Variants in ADCY7 observed in about 807,000 individuals in gnomAD.
The protein encoded by ADCY7 is adenylate cyclase type 7.
In ADCY7, 72 loss-of-function variants were observed where a neutral mutation model predicts 120.6. The observed-to-expected ratio is 0.60, with a 90% CI of 0.49 to 0.73. ADCY7 has a LOEUF of 0.73. ADCY7 is among the 30% of genes least tolerant of loss of function. The pLI is 0.00. For synonymous variants in ADCY7, 661 were observed against 628.0 expected (o/e 1.05, Z -0.78); for missense variants, 1,227 against 1,486.0 (o/e 0.83, Z 2.87).
At chr16:50,293,283 G>T in intron 5 of ADCY7, 71 bp from the exon 6 acceptor site, 1 of 1,555,082 alleles carries the variant, frequency 6.4e-7, no homozygotes, top group Admixed American at 1.7e-5. Context: ...ATGCTACCCT[G>T]CCTGTCCCCC....
intron 1 of ADCY7, among the ~76,000 whole-genome samples, chr16:50,286,812 T>G (rs559924668): frequency 2.5e-4 from 38 of 152,284 alleles, no homozygotes; most frequent in African/African-American, 9.1e-4. Context: ...GATAATTCAA[T>G]ATCCATATGG....
At position 50,316,298 on chromosome 16, in the gene ADCY7, C is replaced by CA. The variant is rs2036796988; in HGVS notation, c.*793_*794insA. 6.6e-6 allele frequency: 1 copy of CA among 152,352 alleles called. No homozygotes were observed. The highest frequency in any genetic ancestry group is 6.5e-5 in the Admixed American group (1 of 15,268). 9.4% of individuals were successfully genotyped at this position (152,352 alleles called of 1,614,324 possible). On this transcript the variant is annotated 3_prime_UTR_variant, in exon 26 of 26. Coordinates refer to ENST00000673801, the MANE Select transcript of ADCY7 (RefSeq NM_001114.5). ...GAGGAATGTGGTCACAGCAAGAAGG[C>CA]GGGGAGCAGCAGAGCCTTGCCTTTG...
chr16:50,283,016 C>G (rs1466246200), intron 1 of ADCY7, among the ~76,000 whole-genome samples: 2 of 152,190 alleles, frequency 1.3e-5, no homozygotes, highest in African/African-American at 4.8e-5. Flanking sequence ...GGGGCTGTCC[C>G]CTCCAAGACC....
In ADCY7 at chr16:50,312,135, G is replaced by C; in HGVS notation, c.2548G>C (p.Glu850Gln). ...GGAGAACGTGAACCGCCTTCTTCTG[G>C]AGAACGTCCTGCCAGCCCACGTGGC... ...TMENVNRLLLENVLPAHVAAH... is the reference protein window; with the variant it reads ...TMENVNRLLLQNVLPAHVAAH... Residue 850 changes from glutamate (E) to glutamine (Q), a missense_variant, in exon 21 of 26, where the codon GAG becomes CAG. This residue lies in a region of ADCY7 where 244 missense variants were observed against 332.8 expected (regional missense o/e 0.73). Coordinates refer to ENST00000673801, the MANE Select transcript of ADCY7 (RefSeq NM_001114.5). 6.2e-7 allele frequency: 1 copy of C among 1,614,210 alleles called. No homozygotes were observed. Among genetic ancestry groups the C allele is most frequent in the Non-Finnish European group, 8.5e-7 (1 of 1,180,038 alleles).
At chr16:50,280,936 T>G (rs910483035) in intron 1 of ADCY7, among the ~76,000 whole-genome samples, 4 of 151,634 alleles carry the variant, frequency 2.6e-5, no homozygotes, top group Non-Finnish European at 5.9e-5. Flanking sequence ...GCCTGTGCCC[T>G]GGGAGTGGGA....
At chr16:50,247,068 AATGAATGAATGC>A (rs2032612480) in intron 1 of ADCY7, among the ~76,000 whole-genome samples, 1 of 152,238 alleles carries the variant, frequency 6.6e-6, no homozygotes, top group African/African-American at 2.4e-5. Context: ...TGAATGAATG[AATGAATGAATGC>A]ATGACCAACA....
Position 50,301,125 on chromosome 16 carries a change from G to A in ADCY7, c.1279G>A (p.Ala427Thr), listed in dbSNP as rs751786060. The change falls in exon 10 of 26, where the codon GCG becomes ACG. Residue 427 changes from alanine (A) to threonine (T), a missense_variant. Transcript: ENST00000673801. ...TEATLKHLDKAYEVEDGHGQQ... is the reference protein window; with the variant it reads ...TEATLKHLDKTYEVEDGHGQQ... ...GGCCACGCTAAAGCACCTGGACAAG[G>A]CGTACGAGGTGGAGGATGGGCACGG... The A allele has an allele frequency of 1.9e-6, 3 of 1,614,008 alleles. No individual in the cohort carries two copies. Among genetic ancestry groups the A allele is most frequent in the Non-Finnish European group, 2.5e-6 (3 of 1,179,952 alleles).
intron 1 of ADCY7, among the ~76,000 whole-genome samples, chr16:50,254,873 G>A (rs994985717): frequency 9.2e-6 from 1 of 108,530 alleles, no homozygotes; most frequent in African/African-American, 3.6e-5. Flanking sequence ...AACCACAAAA[G>A]ACCCCAAATA....
chr16:50,261,332 C>T (rs1290555486), intron 1 of ADCY7, among the ~76,000 whole-genome samples: 2 of 152,148 alleles, frequency 1.3e-5, no homozygotes, highest in African/African-American at 4.8e-5. Context: ...GCATTTTGAG[C>T]ATTCCAGGGA....
intron 1 of ADCY7, among the ~76,000 whole-genome samples, chr16:50,257,952 C>T (rs993020491): frequency 7.9e-5 from 12 of 152,006 alleles, no homozygotes; most frequent in Non-Finnish European, 1.5e-4. Flanking sequence ...ACCACGTTGC[C>T]CAGGCTGGTC....
chr16:50,317,132 G>C lies in ADCY7; in HGVS notation c.*1627G>C, dbSNP rs2036838136. ...TGTGGCTTTATCAGCCCGAGGAAGG[G>C]CAGGTGTATTCTAATTTGCACAAAG... On this transcript the variant is annotated 3_prime_UTR_variant, in exon 26 of 26. Coordinates refer to ENST00000673801, the MANE Select transcript of ADCY7 (RefSeq NM_001114.5). 1 of 152,802 alleles carries C rather than the reference G, an allele frequency of 6.5e-6. No homozygotes were observed. Among genetic ancestry groups the C allele is most frequent in the Non-Finnish European group, 1.5e-5 (1 of 68,074 alleles). The allele number at this position is 152,802 out of a possible 1,614,324, so 9.5% of individuals were successfully genotyped here.
chr16:50,293,961 G>A (rs2035172170), intron 6 of ADCY7, among the ~76,000 whole-genome samples: 1 of 152,172 alleles, frequency 6.6e-6, no homozygotes, highest in Non-Finnish European at 1.5e-5. Flanking sequence ...TTTGTCAAGT[G>A]TCGATGTGGG....
intron 1 of ADCY7, among the ~76,000 whole-genome samples, chr16:50,283,111 A>T (rs926112725): frequency 2.0e-5 from 3 of 152,040 alleles, no homozygotes; most frequent in African/African-American, 7.2e-5. Context: ...TTGACTCTGA[A>T]CCCACTGAGG....
In ADCY7 at chr16:50,292,628, G is replaced by A. The variant is rs370769719; in HGVS notation, c.538-48G>A. 1.0e-5 allele frequency: 16 copies of A among 1,599,910 alleles called. No homozygotes were observed. In the African/African-American group the frequency reaches 1.5e-4, roughly 15 times the overall value. On this transcript the variant is annotated intron_variant, in intron 4 of 25. Coordinates refer to ENST00000673801, the MANE Select transcript of ADCY7 (RefSeq NM_001114.5). ...CGCCTAGGGGTCTGGTGCCTCGGGA[G>A]GGCATGGGCCAGGCCACATAATGAG...
At chr16:50,310,181 G>A (rs957024314) in intron 18 of ADCY7, among the ~76,000 whole-genome samples, 6 of 152,212 alleles carry the variant, frequency 3.9e-5, no homozygotes, top group African/African-American at 1.4e-4. Flanking sequence ...GGCGTGTGTT[G>A]GGAGCAGTGG....
chr16:50,286,289 T>C (rs3760011), intron 1 of ADCY7, among the ~76,000 whole-genome samples: 67,411 of 148,276 alleles, frequency 0.45, 16,036 homozygotes, highest in Middle Eastern at 0.56. Context: ...TCTCCCACCT[T>C]AGCCTCCTGC....
At position 50,308,397 on chromosome 16, in the gene ADCY7, G is replaced by A; in HGVS notation, c.1921G>A (p.Ala641Thr). The change falls in exon 16 of 26, where the codon GCC becomes ACC. Residue 641 changes from alanine (A) to threonine (T), a missense_variant. Coordinates refer to ENST00000673801, the MANE Select transcript of ADCY7 (RefSeq NM_001114.5). ...GGGGCTGGTGCTGGGCCTGTGCTTT[G>A]CCACCAAGTTCTCGGTAAGTGGGGA... ...VLGLVLGLCF[A>T]TKFSRCCPAR... 1 of 1,614,104 alleles carries A rather than the reference G, an allele frequency of 6.2e-7. No homozygotes were observed. The highest frequency in any genetic ancestry group is 2.2e-5 in the East Asian group (1 of 44,880).
At chr16:50,271,828 C>T (rs891310826) in intron 1 of ADCY7, among the ~76,000 whole-genome samples, 5 of 152,320 alleles carry the variant, frequency 3.3e-5, no homozygotes, top group African/African-American at 1.2e-4. Context: ...GGGGACCCAG[C>T]CGGCTCTGCT....
At chr16:50,273,803 A>C (rs956726683) in intron 1 of ADCY7, among the ~76,000 whole-genome samples, 14 of 152,278 alleles carry the variant, frequency 9.2e-5, no homozygotes, top group African/African-American at 3.1e-4. Context: ...TGTACCCCCC[A>C]GTCTGTGGAG....
Sources: allele counts gnomAD v4.1 joint callset (sites outside exome capture counted in the v4.1 genomes callset), GRCh38; gene constraint gnomAD v4.1.1; regional missense constraint gnomAD v4.1.1; transcripts MANE v1.5; gene names NCBI Gene and HGNC (gene_info 2026-07-23, HGNC 2026-07-21).